Variants in ADAM9 observed in about 807,000 individuals in gnomAD.
ADAM9 encodes the protein ADAM metallopeptidase domain 9.
A neutral mutation model predicts 108.1 loss-of-function variants in ADAM9; 54 were observed. The ratio of observed to expected loss-of-function variants is 0.50; its 90% CI spans 0.40 to 0.63. The LOEUF is 0.63. Ranked by LOEUF, ADAM9 falls within the 20% of genes least tolerant of loss-of-function variation. ADAM9 has a pLI of 0.00. For synonymous variants in ADAM9, 316 were observed against 336.0 expected (o/e 0.94, Z 0.65); for missense variants, 830 against 997.7 (o/e 0.83, Z 2.26).
intron 1 of ADAM9, among the ~76,000 whole-genome samples, chr8:38,999,843 C>T (rs937053786): frequency 1.3e-5 from 2 of 152,204 alleles, no homozygotes; most frequent in Non-Finnish European, 2.9e-5. Context: ...CTCTAAGTAA[C>T]TGGAAGCTTT....
At chr8:39,040,468 A>AT (rs1226131334) in intron 11 of ADAM9, among the ~76,000 whole-genome samples, 2 of 152,192 alleles carry the variant, frequency 1.3e-5, no homozygotes, top group Admixed American at 1.3e-4. Flanking sequence ...CCTGTTGGCC[A>AT]TTTTTATGTC....
Position 39,023,219 on chromosome 8 carries a change from C to G in ADAM9, c.808C>G (p.Leu270Val), listed in dbSNP as rs751482452. The change falls in exon 9 of 22, where the codon CTG becomes GTG. Residue 270 changes from leucine to valine, a missense_variant. Around this residue, in one of 3 missense-constraint regions of ADAM9, gnomAD observed 381 missense variants for 539.8 expected, o/e 0.71. Coordinates refer to ENST00000487273, the MANE Select transcript of ADAM9 (RefSeq NM_003816.3). ...ACTGGAGATTTGGACCAATGGAAACCTGATCAACATAGTTGGGGGTGCTGG... is the reference window on the plus strand; with the variant it reads ...ACTGGAGATTTGGACCAATGGAAACGTGATCAACATAGTTGGGGGTGCTGG... ...VGLEIWTNGNLINIVGGAGDV... is the reference protein window; with the variant it reads ...VGLEIWTNGNVINIVGGAGDV... 1 of 1,613,782 alleles carries G rather than the reference C, an allele frequency of 6.2e-7. No individual in the cohort carries two copies. The highest frequency in any genetic ancestry group is 8.5e-7 in the Non-Finnish European group (1 of 1,179,912).
chr8:39,032,775 G>A (rs561008668), intron 11 of ADAM9, among the ~76,000 whole-genome samples: 135 of 152,326 alleles, frequency 8.9e-4, no homozygotes, highest in African/African-American at 3.1e-3. Context: ...GCTGCAGACC[G>A]GAGCTGTTCC....
At position 39,014,073 on chromosome 8, in the gene ADAM9, A is replaced by G. The variant is rs1383980903; in HGVS notation, c.333+30A>G. 5 of 1,564,824 alleles carry G rather than the reference A, an allele frequency of 3.2e-6. No individual in the cohort carries two copies. In the African/African-American group the frequency reaches 6.8e-5, roughly 21 times the overall value. On this transcript the variant is annotated intron_variant, in intron 4 of 21. Transcript: ENST00000487273. ...TGTATTTTTCTCTTGATCCCATAGC[A>G]AATTTTAAAACAATTATAATTTAAA...
At chr8:39,063,950 C>T (rs1350232098) in intron 14 of ADAM9, among the ~76,000 whole-genome samples, 3 of 152,144 alleles carry the variant, frequency 2.0e-5, no homozygotes, top group African/African-American at 4.8e-5. Flanking sequence ...CAACTACCGG[C>T]GATATGGCTG....
intron 14 of ADAM9, among the ~76,000 whole-genome samples, chr8:39,066,830 C>A (rs369639888): frequency 6.6e-6 from 1 of 152,282 alleles, no homozygotes; most frequent in Non-Finnish European, 1.5e-5. Flanking sequence ...CTTGCCCATG[C>A]CTATGTCCTG....
intron 12 of ADAM9, among the ~76,000 whole-genome samples, chr8:39,042,934 C>T (rs1837498163): frequency 6.6e-6 from 1 of 152,122 alleles, no homozygotes; most frequent in South Asian, 2.1e-4. Context: ...TCCACAAGCC[C>T]CTGACCACCA....
chr8:39,010,262 C>T (rs934382655), intron 2 of ADAM9, among the ~76,000 whole-genome samples: 10 of 152,078 alleles, frequency 6.6e-5, no homozygotes, highest in African/African-American at 1.9e-4. Context: ...TATTACATCA[C>T]GTGATTATCT....
intron 5 of ADAM9, 141 bp downstream of exon 5, chr8:39,016,335 G>A (rs1230413221): frequency 1.3e-6 from 1 of 753,470 alleles, no homozygotes; most frequent in Non-Finnish European, 2.3e-6. Flanking sequence ...TTTTACAGCT[G>A]TGTTTCAGAT....
At chr8:39,092,069 G>A (rs912635701) in intron 20 of ADAM9, among the ~76,000 whole-genome samples, 2 of 152,198 alleles carry the variant, frequency 1.3e-5, no homozygotes, top group South Asian at 4.1e-4. Flanking sequence ...ATTAGGGAGT[G>A]TTTAGATCAT....
At chr8:39,022,950 T>C (rs1463131335) in intron 8 of ADAM9, among the ~76,000 whole-genome samples, 1 of 152,190 alleles carries the variant, frequency 6.6e-6, no homozygotes, top group Non-Finnish European at 1.5e-5. Flanking sequence ...TGATCTCCGG[T>C]GATCCAACTG....
Position 39,018,695 on chromosome 8 carries a change from C to T in ADAM9, c.607-158C>T, listed in dbSNP as rs150402657. 2.8e-4 allele frequency: 204 copies of T among 716,034 alleles called. No homozygotes were observed. In the African/African-American group the frequency reaches 3.1e-3, roughly 11 times the overall value. 44.4% of individuals were successfully genotyped at this position (716,034 alleles called of 1,614,324 possible). A position where few individuals can be genotyped will look rare whatever the true frequency, so the allele number is the denominator to read the frequency against. On this transcript the variant is annotated intron_variant, in intron 6 of 21. Coordinates refer to ENST00000487273, the MANE Select transcript of ADAM9 (RefSeq NM_003816.3). Reference sequence around the variant, plus strand: ...TTTCATCACTAAGAAGCAGATAACACTTCAAAAAACATATTTTTCACTTTC... The same window carrying T: ...TTTCATCACTAAGAAGCAGATAACATTTCAAAAAACATATTTTTCACTTTC...
intron 9 of ADAM9, 53 bp from the exon 10 acceptor site, chr8:39,025,750 A>G (rs1588349079): frequency 2.0e-6 from 3 of 1,523,616 alleles, no homozygotes; most frequent in Non-Finnish European, 2.7e-6. Context: ...AATAAAAGCA[A>G]TGTGTTCCTT....
intron 20 of ADAM9, among the ~76,000 whole-genome samples, chr8:39,099,572 A>G (rs920110329): frequency 1.6e-4 from 24 of 152,230 alleles, no homozygotes; most frequent in African/African-American, 5.5e-4. Flanking sequence ...GTCTTATACC[A>G]TAAAAAAATG....
rs58115667 is a variant in ADAM9 at position 39,050,830 on chromosome 8, GTTTTTTTTTTT to G, written c.1303-3636_1303-3626del. On this transcript the variant is annotated intron_variant, in intron 12 of 21. Transcript: ENST00000487273. ...TCTTTCCAGGGAAAAGCTTGGAAGTGTTTTTTTTTTTTTTTTTTTTTTTTTAATCACTATGT... is the reference window on the plus strand; with the variant it reads ...TCTTTCCAGGGAAAAGCTTGGAAGTGTTTTTTTTTTTTTTAATCACTATGT... Among the ~76,000 whole-genome samples, 13 of 85,238 alleles carry G rather than the reference GTTTTTTTTTTT, an allele frequency of 1.5e-4. No homozygotes were observed. In the South Asian group the frequency reaches 2.8e-3, roughly 18 times the overall value. The allele number at this position is 85,238 out of a possible 152,430, so 55.9% of individuals were successfully genotyped here.
At chr8:39,090,444 T>C (rs1053956313) in intron 19 of ADAM9, among the ~76,000 whole-genome samples, 3 of 152,180 alleles carry the variant, frequency 2.0e-5, no homozygotes, top group African/African-American at 7.2e-5. Context: ...CAGGGATTAC[T>C]GGAGTGAGCC....
chr8:39,089,142 G>A (rs909271938), intron 18 of ADAM9, among the ~76,000 whole-genome samples: 2 of 152,086 alleles, frequency 1.3e-5, no homozygotes, highest in African/African-American at 4.8e-5. Context: ...CCAGCTACTC[G>A]GGAGGTGGAG....
intron 16 of ADAM9, among the ~76,000 whole-genome samples, chr8:39,082,041 T>C (rs1839040316): frequency 1.3e-5 from 2 of 152,160 alleles, no homozygotes; most frequent in Admixed American, 1.3e-4. Flanking sequence ...GTTTCATATC[T>C]CATCATATGA....
intron 11 of ADAM9, among the ~76,000 whole-genome samples, chr8:39,029,346 A>G (rs1457229035): frequency 1.3e-5 from 2 of 152,132 alleles, no homozygotes; most frequent in Admixed American, 1.3e-4. Flanking sequence ...AACATGAGGT[A>G]GAGGGACACT....
Sources: gnomAD v4.1 joint callset for allele counts (sites outside exome capture counted in the v4.1 genomes callset) on GRCh38, gnomAD v4.1.1 for gene constraint, gnomAD v4.1.1 regional missense constraint, MANE v1.5 for transcripts, NCBI Gene and HGNC (gene_info 2026-07-23, HGNC 2026-07-21) for gene names.